Variants in C3orf52 observed in about 807,000 individuals in gnomAD.
The protein encoded by C3orf52 is TPA-induced transmembrane protein.
A neutral mutation model predicts 24.8 loss-of-function variants in C3orf52; 22 were observed. That is an observed-to-expected ratio of 0.89 (90% CI 0.63 to 1.27). C3orf52 has a LOEUF of 1.27. Among genes scored for constraint, C3orf52 ranks in the 50% most tolerant of loss-of-function variants. The probability of loss-of-function intolerance (pLI) is 0.00; values close to 1 mark genes in which losing one functional copy is unlikely to be tolerated. For synonymous variants in C3orf52, 93 were observed against 100.2 expected, an observed-to-expected ratio of 0.93 and a Z score of 0.43; for missense variants, 265 against 260.7, an observed-to-expected ratio of 1.02 and a Z score of -0.11.
At chr3:112,126,547 T>TA (rs2074323597) in intron 4 of C3orf52, among the ~76,000 whole-genome samples, 1 of 152,232 alleles carries the variant, frequency 6.6e-6, no homozygotes, top group African/African-American at 2.4e-5. Context: ...ACCTGGGTGA[T>TA]ATCTTTAATA....
At chr3:112,130,592 T>C, downstream of C3orf52, 1 of 1,243,798 alleles carries the variant, frequency 8.0e-7, no homozygotes, top group East Asian at 2.3e-5. Context: ...TTTCCGACTT[T>C]CCTCATTTCT....
intron 1 of C3orf52, among the ~76,000 whole-genome samples, chr3:112,091,889 A>C (rs2073880665): frequency 6.6e-6 from 1 of 152,110 alleles, no homozygotes; most frequent in African/African-American, 2.4e-5. Flanking sequence ...CTGTAGTCCC[A>C]GCTACTCGGG....
At chr3:112,109,029 A>G (rs868471531) in intron 3 of C3orf52, among the ~76,000 whole-genome samples, 1 of 152,224 alleles carries the variant, frequency 6.6e-6, no homozygotes, top group African/African-American at 2.4e-5. Flanking sequence ...CATGCATAAA[A>G]TAAAGCCTCC....
intron 2 of C3orf52, among the ~76,000 whole-genome samples, chr3:112,097,416 G>T (rs571081613): frequency 2.0e-5 from 3 of 152,260 alleles, no homozygotes; most frequent in African/African-American, 7.2e-5. Flanking sequence ...CCAGATTCTT[G>T]CCTGACCCTA....
intron 4 of C3orf52, chr3:112,123,576 C>T (rs1365448686): frequency 1.3e-5 from 21 of 1,614,154 alleles, no homozygotes; most frequent in Non-Finnish European, 1.7e-5. Flanking sequence ...TCGGGCATGC[C>T]TGGGGTCTGT....
Position 112,109,753 on chromosome 3 carries a change from T to A in C3orf52, c.467+140T>A, listed in dbSNP as rs1175267643. The stretch of plus-strand genomic sequence containing the variant: ...CTGTAATAGAATCACAGAATGTCAG[T>A]GCTGGGAAGGTCTTTTACACCAACA... On this transcript the variant is annotated intron_variant, in intron 4 of 5. Coordinates refer to ENST00000264848, the MANE Select transcript of C3orf52 (RefSeq NM_024616.3). 7.1e-6 allele frequency: 4 copies of A among 559,538 alleles called. No individual in the cohort carries two copies. The African/African-American group carries it at 7.6e-5, about 11-fold the overall frequency. 34.7% of individuals were successfully genotyped at this position (559,538 alleles called of 1,614,324 possible).
downstream of C3orf52, chr3:112,133,212 G>C: frequency 7.1e-7 from 1 of 1,403,088 alleles, no homozygotes; most frequent in Non-Finnish European, 1.0e-6. Context: ...TTAAAGAAAG[G>C]GCTGTGTGGC....
chr3:112,102,735 C>T, intron 2 of C3orf52, 103 bp from the exon 3 acceptor site: 2 of 1,100,620 alleles, frequency 1.8e-6, no homozygotes, highest in South Asian at 1.7e-5. Context: ...CCTTGATGCT[C>T]ATAGTTATGT....
At chr3:112,114,875 G>A (rs2074121017) in intron 5 of C3orf52, among the ~76,000 whole-genome samples, 1 of 152,166 alleles carries the variant, frequency 6.6e-6, no homozygotes, top group African/African-American at 2.4e-5. Context: ...GAGGTCTGAG[G>A]AAAGGTTTAA....
Position 112,117,420 on chromosome 3 carries a change from TC to T in C3orf52, c.*776del, listed in dbSNP as rs2074146002. On this transcript the variant is annotated 3_prime_UTR_variant, in exon 6 of 6. Coordinates refer to ENST00000264848, the MANE Select transcript of C3orf52 (RefSeq NM_024616.3). ...TCATTATTTTGCAGCTCCTCGTTGT[TC>T]CTGTGATTCCTGAACACCTTTTTGG... 6.3e-6 allele frequency: 1 copy of T among 158,724 alleles called. No individual in the cohort carries two copies. Among genetic ancestry groups the T allele is most frequent in the Admixed American group, 6.4e-5 (1 of 15,706 alleles). 9.8% of individuals were successfully genotyped at this position (158,724 alleles called of 1,614,324 possible).
chr3:112,126,921 GAGA>G, intron 4 of C3orf52: 4 of 1,088,040 alleles, frequency 3.7e-6, no homozygotes, highest in East Asian at 2.4e-5. Flanking sequence ...TGGGAACATA[GAGA>G]AGAAGTAGTT....
At chr3:112,092,136 C>G (rs1217419208) in intron 1 of C3orf52, among the ~76,000 whole-genome samples, 1 of 152,170 alleles carries the variant, frequency 6.6e-6, no homozygotes, top group Non-Finnish European at 1.5e-5. Context: ...ATGACTGAGG[C>G]GCAGTTGCAC....
At chr3:112,089,719 T>A (rs761152153) in intron 1 of C3orf52, among the ~76,000 whole-genome samples, 1 of 152,228 alleles carries the variant, frequency 6.6e-6, no homozygotes, top group East Asian at 1.9e-4. Flanking sequence ...CTGATCTATA[T>A]AATATCTGCT....
At chr3:112,104,999 C>A (rs1384784838) in intron 3 of C3orf52, among the ~76,000 whole-genome samples, 1 of 152,168 alleles carries the variant, frequency 6.6e-6, no homozygotes, top group Non-Finnish European at 1.5e-5. Flanking sequence ...TCACCTGTTG[C>A]ATAGTAGACT....
chr3:112,127,201 G>A (rs1260023149), intron 4 of C3orf52, among the ~76,000 whole-genome samples: 1 of 152,100 alleles, frequency 6.6e-6, no homozygotes, highest in Non-Finnish European at 1.5e-5. Context: ...AAAAGATGAG[G>A]CCAAATAGAA....
In C3orf52 at chr3:112,113,196, C is replaced by A. The variant is rs907486376; in HGVS notation, c.649+51C>A. ...GAGTTGTGACAATAAACAGGTGAACCAGATTGGGGTCAAATTGGCTTGGTT... is the reference window on the plus strand; with the variant it reads ...GAGTTGTGACAATAAACAGGTGAACAAGATTGGGGTCAAATTGGCTTGGTT... On this transcript the variant is annotated intron_variant, in intron 5 of 5. Transcript: ENST00000264848. The A allele has an allele frequency of 3.4e-6, 5 of 1,462,386 alleles. No individual in the cohort carries two copies. In the African/African-American group the frequency reaches 5.7e-5, roughly 17 times the overall value. 90.6% of individuals were successfully genotyped at this position (1,462,386 alleles called of 1,614,324 possible). A position where few individuals can be genotyped will look rare whatever the true frequency, so the allele number is the denominator to read the frequency against.
At chr3:112,088,534 A>T (rs2073849396) in intron 1 of C3orf52, among the ~76,000 whole-genome samples, 1 of 141,218 alleles carries the variant, frequency 7.1e-6, no homozygotes, top group African/African-American at 2.8e-5. Context: ...CAGATTGAAG[A>T]TGCTGAGTGA....
downstream of C3orf52, chr3:112,130,850 A>G: frequency 3.0e-6 from 1 of 336,548 alleles, no homozygotes; most frequent in South Asian, 3.2e-5. Flanking sequence ...CTCAGCTACC[A>G]TCTCTTTGGT....
intron 2 of C3orf52, among the ~76,000 whole-genome samples, chr3:112,102,307 A>G (rs373697880): frequency 2.7e-4 from 41 of 152,266 alleles, no homozygotes; most frequent in Middle Eastern, 3.4e-3. Flanking sequence ...TTCATCACTC[A>G]TTGTTTTAGG....
Sources: allele counts gnomAD v4.1 joint callset (sites outside exome capture counted in the v4.1 genomes callset), GRCh38; gene constraint gnomAD v4.1.1; transcripts MANE v1.5; gene names NCBI Gene and HGNC (gene_info 2026-07-23, HGNC 2026-07-21).